The following ZNF654 variants were observed in gnomAD, a reference collection of about 807,000 sequenced individuals.
ZNF654 encodes the protein melanoma-associated antigen.
ZNF654 carries 19 observed loss-of-function variants against 95.3 expected under a neutral mutation model. That is an observed-to-expected ratio of 0.20 (90% CI 0.14 to 0.29). The LOEUF (loss-of-function observed/expected upper bound fraction) is 0.29. Among genes scored for constraint, ZNF654 ranks in the 10% least tolerant of loss-of-function variants. The pLI is 1.00. For missense variants in ZNF654, 1,046 were observed against 1,341.0 expected, an observed-to-expected ratio of 0.78 and a Z score of 3.44; for synonymous variants, 413 against 457.9, an observed-to-expected ratio of 0.90 and a Z score of 1.25.
intron 1 of ZNF654, among the ~76,000 whole-genome samples, chr3:88,077,106 G>A (rs1404782408): frequency 6.6e-6 from 1 of 152,138 alleles, no homozygotes; most frequent in South Asian, 2.1e-4. Flanking sequence ...CAGGAATGTA[G>A]AGGAAAAGAG....
Position 88,128,790 on chromosome 3 carries a change from T to C in ZNF654, c.551-19T>C, listed in dbSNP as rs1216971677. ...ATCTTTTCTTGAGAGTAATAGAGTC[T>C]GTTTTCTTTTTAATATAGTGAACAA... is the stretch of plus-strand genomic sequence containing the variant. On this transcript the variant is annotated intron_variant, in intron 4 of 8. Coordinates refer to ENST00000636215, the MANE Select transcript of ZNF654 (RefSeq NM_001350134.2). The C allele has an allele frequency of 6.7e-7, 1 of 1,495,928 alleles. No individual in the cohort carries two copies. Among genetic ancestry groups the C allele is most frequent in the Non-Finnish European group, 9.0e-7 (1 of 1,114,360 alleles). 92.7% of individuals were successfully genotyped at this position (1,495,928 alleles called of 1,614,324 possible).
intron 2 of ZNF654, among the ~76,000 whole-genome samples, chr3:88,106,195 CTG>C (rs1704727235): frequency 6.6e-6 from 1 of 152,174 alleles, no homozygotes; most frequent in South Asian, 2.1e-4. Context: ...TGAAGCCCAT[CTG>C]TGTTTGATTT....
chr3:88,126,155 A>G lies in ZNF654; in HGVS notation c.436A>G (p.Arg146Gly). The change falls in exon 4 of 9, where the codon AGA becomes GGA. Residue 146 changes from arginine to glycine, a missense_variant. Around this residue, in one of 9 missense-constraint regions of ZNF654, gnomAD observed 91 missense variants for 190.5 expected, o/e 0.48. Coordinates refer to ENST00000636215, the MANE Select transcript of ZNF654 (RefSeq NM_001350134.2). ...SFQECQNHLR[R>G]YGNVNLELVT... ...CTAGGAATGCCAGAATCACCTCCGC[A>G]GATATGGAAATGTGAATCTGGAACT... The G allele has an allele frequency of 6.6e-7, 1 of 1,518,428 alleles. No homozygotes were observed. The highest frequency in any genetic ancestry group is 8.8e-7 in the Non-Finnish European group (1 of 1,136,168). 94.1% of individuals were successfully genotyped at this position (1,518,428 alleles called of 1,614,324 possible). A position where few individuals can be genotyped will look rare whatever the true frequency, so the allele number is the denominator to read the frequency against.
rs1422308252 is a variant in ZNF654, at chr3:88,059,299, G to A, written c.-21G>A. Reference sequence around the variant, plus strand: ...GCGGCGGCGGCGCAGGGGCTGGTACGCGCTGGGCGGCGAGAGCCTCATGGC... The same window carrying A: ...GCGGCGGCGGCGCAGGGGCTGGTACACGCTGGGCGGCGAGAGCCTCATGGC... On this transcript the variant is annotated 5_prime_UTR_variant, in exon 1 of 9. Transcript: ENST00000636215. The A allele has an allele frequency of 7.2e-6, 11 of 1,532,820 alleles. No individual in the cohort carries two copies. The highest frequency in any genetic ancestry group is 5.9e-5 in the Admixed American group (3 of 50,874). 95.0% of individuals were successfully genotyped at this position (1,532,820 alleles called of 1,614,324 possible). A position where few individuals can be genotyped will look rare whatever the true frequency, so the allele number is the denominator to read the frequency against.
At chr3:88,101,301 G>A (rs1704409754) in intron 2 of ZNF654, among the ~76,000 whole-genome samples, 1 of 151,956 alleles carries the variant, frequency 6.6e-6, no homozygotes, top group Non-Finnish European at 1.5e-5. Context: ...CCCAGCTCAA[G>A]GCAACTACTG....
intron 2 of ZNF654, 86 bp downstream of exon 2, chr3:88,086,488 A>T: frequency 8.4e-7 from 1 of 1,186,566 alleles, no homozygotes; most frequent in Non-Finnish European, 1.1e-6. Flanking sequence ...TGAAGAAGAA[A>T]CCTTTCCTAA....
intron 1 of ZNF654, among the ~76,000 whole-genome samples, chr3:88,064,082 T>A (rs1291278557): frequency 6.6e-6 from 1 of 150,412 alleles, no homozygotes. Flanking sequence ...AAAACAAGAA[T>A]GGATATTATT....
intron 2 of ZNF654, among the ~76,000 whole-genome samples, chr3:88,088,595 AAAACC>A (rs1265903321): frequency 7.9e-5 from 12 of 152,352 alleles, no homozygotes; most frequent in African/African-American, 2.6e-4. Context: ...AATGTAAAAC[AAAACC>A]AAAGAGAAAT....
chr3:88,129,164 C>T (rs1219348981), intron 5 of ZNF654, 153 bp downstream of exon 5: 8 of 582,968 alleles, frequency 1.4e-5, no homozygotes, highest in Admixed American at 1.4e-4. Flanking sequence ...TCTTTTGGCA[C>T]CATAACTTAA....
At chr3:88,076,405 C>T (rs1481852125) in intron 1 of ZNF654, among the ~76,000 whole-genome samples, 1 of 152,000 alleles carries the variant, frequency 6.6e-6, no homozygotes, top group East Asian at 1.9e-4. Flanking sequence ...AGTACAGTTA[C>T]TTCTGATATA....
At chr3:88,107,895 T>G (rs887536078) in intron 2 of ZNF654, among the ~76,000 whole-genome samples, 5 of 152,192 alleles carry the variant, frequency 3.3e-5, no homozygotes, top group Admixed American at 3.3e-4. Context: ...ATATTCTGTA[T>G]GATTTTAATA....
chr3:88,144,072 T>A lies in ZNF654; in HGVS notation c.*2420T>A. 6.6e-6 allele frequency: 1 copy of A among 152,310 alleles called. No homozygotes were observed. The highest frequency in any genetic ancestry group is 1.9e-4 in the East Asian group (1 of 5,196). The allele number at this position is 152,310 out of a possible 1,614,324, so 9.4% of individuals were successfully genotyped here. A position where few individuals can be genotyped will look rare whatever the true frequency, so the allele number is the denominator to read the frequency against. On this transcript the variant is annotated 3_prime_UTR_variant, in exon 9 of 9. Transcript: ENST00000636215. ...TCAAATCTTTGTTTTTAAATAAAAA[T>A]TTCCTTCAAAAAATTAAATGTTAAA... is the stretch of plus-strand genomic sequence containing the variant.
chr3:88,125,083 C>T (rs1706012179), intron 3 of ZNF654, among the ~76,000 whole-genome samples: 1 of 151,296 alleles, frequency 6.6e-6, no homozygotes, highest in East Asian at 1.9e-4. Context: ...GGCATGGTGA[C>T]ACGCGCCTGT....
intron 7 of ZNF654, among the ~76,000 whole-genome samples, chr3:88,136,081 CAAAGT>C (rs1459337883): frequency 6.6e-6 from 1 of 152,074 alleles, no homozygotes; most frequent in Non-Finnish European, 1.5e-5. Flanking sequence ...AATGCATTCT[CAAAGT>C]AAACTCCTTC....
chr3:88,064,099 C>G (rs1333688682), intron 1 of ZNF654, among the ~76,000 whole-genome samples: 1 of 117,982 alleles, frequency 8.5e-6, no homozygotes, highest in Non-Finnish European at 1.8e-5. Flanking sequence ...TATTGAATAA[C>G]GAGCTTCTTC....
At chr3:88,120,869 A>G (rs567710757) in intron 3 of ZNF654, among the ~76,000 whole-genome samples, 2 of 152,272 alleles carry the variant, frequency 1.3e-5, no homozygotes, top group Non-Finnish European at 2.9e-5. Flanking sequence ...ACAGTGATAT[A>G]GTAATTCAAA....
chr3:88,141,506 A>G, intron 8 of ZNF654, 139 bp from the exon 9 acceptor site: 1 of 554,170 alleles, frequency 1.8e-6, no homozygotes, highest in Non-Finnish European at 2.9e-6. Context: ...TTGAGAAACA[A>G]AATCAGAAAA....
intron 2 of ZNF654, among the ~76,000 whole-genome samples, chr3:88,109,586 C>T (rs1704965381): frequency 6.6e-6 from 1 of 151,966 alleles, no homozygotes; most frequent in Non-Finnish European, 1.5e-5. Context: ...TAATATGCTA[C>T]AGAAATCCAA....
Position 88,135,189 on chromosome 3 carries a change from T to C in ZNF654, c.1022T>C (p.Ile341Thr), listed in dbSNP as rs1321032258. 23 of 1,485,794 alleles carry C rather than the reference T, an allele frequency of 1.5e-5. No individual in the cohort carries two copies. In the East Asian group the frequency reaches 6.1e-4, roughly 39 times the overall value. 92.0% of individuals were successfully genotyped at this position (1,485,794 alleles called of 1,614,324 possible). Residue 341 changes from isoleucine to threonine, a missense_variant, in exon 7 of 9, where the codon ATC becomes ACC. Physicochemically the swap from Ile to Thr is moderately conservative, Grantham distance 89 (BLOSUM62 -1). Coordinates refer to ENST00000636215, the MANE Select transcript of ZNF654 (RefSeq NM_001350134.2). ...NVRVIFPFMK[I>T]IKDEVEEEGL... ...AGAGTCATATTTCCTTTCATGAAAA[T>C]CATCAAAGATGAGGTAAATAGGATA...
Sources: allele counts gnomAD v4.1 joint callset (sites outside exome capture counted in the v4.1 genomes callset), GRCh38; gene constraint gnomAD v4.1.1; regional missense constraint gnomAD v4.1.1; transcripts MANE v1.5; gene names NCBI Gene and HGNC (gene_info 2026-07-23, HGNC 2026-07-21).